CCDC33: variants seen among roughly 807,000 people sequenced by gnomAD.
The protein encoded by CCDC33 is coiled-coil domain containing 33, also known as coiled-coil domain-containing protein 33.
A neutral mutation model predicts 91.9 loss-of-function variants in CCDC33; 94 were observed. The ratio of observed to expected loss-of-function variants is 1.02; its 90% CI spans 0.87 to 1.21. CCDC33 has a LOEUF of 1.21. Among genes scored for constraint, CCDC33 ranks in the 50% most tolerant of loss-of-function variants. CCDC33 has a pLI of 0.00. For synonymous variants in CCDC33, 396 were observed against 374.5 expected (o/e 1.06, Z -0.66); for missense variants, 940 against 935.5 (o/e 1.00, Z -0.06).
intron 11 of CCDC33, chr15:74,302,991 G>T (rs1296632634): frequency 6.6e-6 from 1 of 152,308 alleles, no homozygotes; most frequent in East Asian, 1.9e-4. Context: ...TGCAGCCTTG[G>T]TCCTGCCCCC....
chr15:74,280,818 G>T lies in CCDC33; in HGVS notation c.1023+17G>T, dbSNP rs1486597550. 2 of 1,472,624 alleles carry T rather than the reference G, an allele frequency of 1.4e-6. No individual in the cohort carries two copies. The highest frequency in any genetic ancestry group is 2.9e-5 in the African/African-American group (2 of 69,288). The allele number at this position is 1,472,624 out of a possible 1,614,324, so 91.2% of individuals were successfully genotyped here. A position where few individuals can be genotyped will look rare whatever the true frequency, so the allele number is the denominator to read the frequency against. On this transcript the variant is annotated intron_variant, in intron 9 of 18. Coordinates refer to ENST00000398814, the MANE Select transcript of CCDC33 (RefSeq NM_025055.5). ...CCCATCATGGTGAGCCCCCTGCCCT[G>T]AACTGGGCCCCTAGCGTGCCCACCT...
chr15:74,308,433 C>A (rs2059932438), intron 11 of CCDC33, among the ~76,000 whole-genome samples: 1 of 150,726 alleles, frequency 6.6e-6, no homozygotes, highest in African/African-American at 2.4e-5. Context: ...TAGAGACCAG[C>A]CAGTTCACTC....
chr15:74,218,769 G>A lies in CCDC33; in HGVS notation c.583G>A (p.Gly195Ser). Reference sequence around the variant, plus strand: ...CAGTGTGGCCTTCCACGTCCACCGGGGCCCTCAGCCTCCAGTCTCAGACAG... The same window carrying A: ...CAGTGTGGCCTTCCACGTCCACCGGAGCCCTCAGCCTCCAGTCTCAGACAG... The change falls in exon 2 of 3, where the codon GGC becomes AGC. Residue 195 changes from glycine (G) to serine (S), a missense_variant. Physicochemically the swap from Gly to Ser is moderately conservative, Grantham distance 56. Coordinates refer to the CCDC33 transcript ENST00000635913. The surrounding 1 kb of genome is among the most constrained non-coding windows in gnomAD (Gnocchi z 4.8). The A allele has an allele frequency of 1.6e-6, 2 of 1,289,336 alleles. No homozygotes were observed. The highest frequency in any genetic ancestry group is 2.0e-6 in the Non-Finnish European group (2 of 988,570). 79.9% of individuals were successfully genotyped at this position (1,289,336 alleles called of 1,614,324 possible).
At chr15:74,321,485 A>G (rs2060205782) in intron 11 of CCDC33, among the ~76,000 whole-genome samples, 1 of 151,924 alleles carries the variant, frequency 6.6e-6, no homozygotes, top group African/African-American at 2.4e-5. Context: ...GGCTGGTCTC[A>G]AACTGCTGAC....
chr15:74,293,357 G>C (rs780841825), intron 10 of CCDC33, among the ~76,000 whole-genome samples: 7 of 152,176 alleles, frequency 4.6e-5, no homozygotes, highest in Non-Finnish European at 1.0e-4. Context: ...CAATGGGAAG[G>C]TGGTCTTTGC....
chr15:74,240,804 G>A (rs1376675668), intron 1 of CCDC33, among the ~76,000 whole-genome samples: 1 of 152,168 alleles, frequency 6.6e-6, no homozygotes, highest in Non-Finnish European at 1.5e-5. Context: ...TGTTGGCCCG[G>A]CTGGTCTCGA....
At chr15:74,252,551 G>A (rs187503353) in intron 2 of CCDC33, among the ~76,000 whole-genome samples, 7 of 152,352 alleles carry the variant, frequency 4.6e-5, no homozygotes, top group South Asian at 2.1e-4. Flanking sequence ...AGCAGGCTGC[G>A]TTATTCCCAT....
chr15:74,254,149 C>G (rs929577819), intron 2 of CCDC33, among the ~76,000 whole-genome samples: 2 of 152,164 alleles, frequency 1.3e-5, no homozygotes, highest in South Asian at 2.1e-4. Context: ...TCTCCTGCCT[C>G]AACCTCTTGA....
intron 16 of CCDC33, chr15:74,333,315 C>T (rs1420663701): frequency 1.3e-6 from 2 of 1,585,126 alleles, no homozygotes; most frequent in Admixed American, 3.6e-5. Context: ...GAGACCCTGC[C>T]CGCACAGGTG....
intron 1 of CCDC33, among the ~76,000 whole-genome samples, chr15:74,208,278 G>T (rs747278005): frequency 2.6e-5 from 4 of 152,162 alleles, no homozygotes; most frequent in Non-Finnish European, 4.4e-5. Flanking sequence ...TTAACATCAA[G>T]ATGCAACAGA....
At chr15:74,321,117 C>T (rs1375195550) in intron 11 of CCDC33, among the ~76,000 whole-genome samples, 3 of 152,214 alleles carry the variant, frequency 2.0e-5, no homozygotes, top group Non-Finnish European at 2.9e-5. Context: ...GTCCCTGAGA[C>T]GGCCCCTCAG....
chr15:74,289,107 G>T (rs541238139), intron 10 of CCDC33, among the ~76,000 whole-genome samples: 1 of 152,266 alleles, frequency 6.6e-6, no homozygotes, highest in Non-Finnish European at 1.5e-5. Flanking sequence ...CCATCACTCG[G>T]TGCCCGCCCC....
At chr15:74,290,217 G>C (rs1038440708) in intron 10 of CCDC33, among the ~76,000 whole-genome samples, 2 of 145,780 alleles carry the variant, frequency 1.4e-5, no homozygotes, top group African/African-American at 5.0e-5. Context: ...CTGACCTGTT[G>C]CCCAGGCTGG....
At chr15:74,269,634 C>T (rs2076261071) in intron 5 of CCDC33, among the ~76,000 whole-genome samples, 1 of 152,242 alleles carries the variant, frequency 6.6e-6, no homozygotes, top group Admixed American at 6.5e-5. Flanking sequence ...ATCCCCAAGA[C>T]ACAGGCAGAA....
rs150181419 is a variant in CCDC33 at position 74,290,772 on chromosome 15, G to T, written c.1096-4982G>T. 2.6e-5 allele frequency among the ~76,000 whole-genome samples: 4 copies of T among 152,312 alleles called. No homozygotes were observed. In the South Asian group the frequency reaches 8.3e-4, roughly 32 times the overall value. On this transcript the variant is annotated intron_variant, in intron 10 of 18. Coordinates refer to ENST00000398814, the MANE Select transcript of CCDC33 (RefSeq NM_025055.5). The stretch of plus-strand genomic sequence containing the variant: ...GAGGACCTGGGTGCTAGGGTGCAGG[G>T]TGAGGGCTTTATCATAAAGTGGTAG...
Position 74,313,975 on chromosome 15 carries a change from T to C in CCDC33, c.1291-16214T>C, listed in dbSNP as rs975310769. Reference sequence around the variant, plus strand: ...CCTACCAGCCCCTCCTTGCCGCGTGTCCTGTCTGCACTCCCACGGTGTTCC... The same window carrying C: ...CCTACCAGCCCCTCCTTGCCGCGTGCCCTGTCTGCACTCCCACGGTGTTCC... On this transcript the variant is annotated intron_variant, in intron 11 of 18. Transcript: ENST00000398814. Among the ~76,000 whole-genome samples the C allele has an allele frequency of 2.6e-5, 4 of 152,268 alleles. No individual in the cohort carries two copies. In the South Asian group the frequency reaches 8.3e-4, roughly 32 times the overall value.
chr15:74,211,504 G>A (rs549371210), intron 2 of CCDC33, among the ~76,000 whole-genome samples: 3 of 149,734 alleles, frequency 2.0e-5, no homozygotes, highest in East Asian at 4.1e-4. Context: ...GGGTTCAAGC[G>A]ATTCTCCTGC....
intron 2 of CCDC33, among the ~76,000 whole-genome samples, chr15:74,226,089 A>G (rs1372000688): frequency 6.6e-6 from 1 of 152,170 alleles, no homozygotes; most frequent in Admixed American, 6.5e-5. Flanking sequence ...TCACTTTCCC[A>G]AGCAGTAAAC....
chr15:74,298,297 A>ATGGTGGTGGTGATGATGGTGATGATGG (rs1208374170), intron 11 of CCDC33, among the ~76,000 whole-genome samples: 8 of 152,230 alleles, frequency 5.3e-5, no homozygotes, highest in African/African-American at 7.2e-5. Flanking sequence ...GGTGATGATG[A>ATGGTGGTGGTGATGATGGTGATGATGG]TGGTGGAGGA....
Sources: allele counts gnomAD v4.1 joint callset (sites outside exome capture counted in the v4.1 genomes callset), GRCh38; gene constraint gnomAD v4.1.1; non-coding constraint Gnocchi (gnomAD v3.1); transcripts MANE v1.5; gene names NCBI Gene and HGNC (gene_info 2026-07-23, HGNC 2026-07-21).